NBEA: variants seen among roughly 807,000 people sequenced by gnomAD.
The protein encoded by NBEA is neurobeachin.
A neutral mutation model predicts 343.4 loss-of-function variants in NBEA; 44 were observed. The ratio of observed to expected loss-of-function variants is 0.13; its 90% CI spans 0.10 to 0.16. The LOEUF (loss-of-function observed/expected upper bound fraction) is 0.16, where lower values mean the gene tolerates loss of function less well. Ranked by LOEUF, NBEA falls within the 10% of genes least tolerant of loss-of-function variation. The pLI, the probability that NBEA is intolerant of heterozygous loss-of-function variation, is 1.00. For synonymous variants in NBEA, 1,175 were observed against 1,238.7 expected, an observed-to-expected ratio of 0.95 and a Z score of 1.08; for missense variants, 2,555 against 3,631.3, an observed-to-expected ratio of 0.70 and a Z score of 7.62.
intron 48 of NBEA, among the ~76,000 whole-genome samples, chr13:35,609,679 G>A (rs1434610867): frequency 1.3e-5 from 2 of 152,194 alleles, no homozygotes; most frequent in Admixed American, 1.3e-4. Context: ...GAAGCCATTG[G>A]AGAGAGAGTA....
intron 40 of NBEA, among the ~76,000 whole-genome samples, chr13:35,471,014 CG>C (rs2075619338): frequency 6.6e-6 from 1 of 152,178 alleles, no homozygotes; most frequent in African/African-American, 2.4e-5. Flanking sequence ...CCGCGAGCCC[CG>C]GGGGCTCATC....
rs2060828506 is a variant in NBEA at position 34,993,354 on chromosome 13, A to G, written c.295-47579A>G. Among the ~76,000 whole-genome samples the G allele has an allele frequency of 2.6e-5, 4 of 152,178 alleles. No individual in the cohort carries two copies. The South Asian group carries it at 8.3e-4, about 31-fold the overall frequency. ...CATTGTTGCAAATAGTTGTTTACTT[A>G]TGAATATCTGTTTAACCTTGCTACA... is the stretch of plus-strand genomic sequence containing the variant. On this transcript the variant is annotated intron_variant, in intron 1 of 58. Coordinates refer to ENST00000379939, the MANE Select transcript of NBEA (RefSeq NM_001385012.1).
At chr13:35,620,247 G>A (rs1325699478) in intron 48 of NBEA, among the ~76,000 whole-genome samples, 2 of 152,114 alleles carry the variant, frequency 1.3e-5, no homozygotes, top group Non-Finnish European at 2.9e-5. Flanking sequence ...CTTAGAAGGT[G>A]ACCGGTGGTA....
At chr13:35,535,691 T>C (rs117906154) in intron 41 of NBEA, among the ~76,000 whole-genome samples, 2,840 of 152,312 alleles carry the variant, frequency 0.019, 28 homozygotes, top group South Asian at 0.048. Flanking sequence ...TGTCCCATTT[T>C]ATATAAGGGA....
chr13:35,080,968 C>A (rs1474984641), intron 10 of NBEA, among the ~76,000 whole-genome samples: 1 of 152,042 alleles, frequency 6.6e-6, no homozygotes, highest in East Asian at 1.9e-4. Flanking sequence ...AATGTCAGAC[C>A]AAAGATGCTG....
intron 39 of NBEA, among the ~76,000 whole-genome samples, chr13:35,445,966 C>G (rs1239818997): frequency 5.3e-5 from 8 of 151,102 alleles, no homozygotes; most frequent in Non-Finnish European, 8.8e-5. Flanking sequence ...TCCCTCCCCC[C>G]TCTCCCCACC....
At chr13:35,125,504 A>G (rs2067075264) in intron 17 of NBEA, among the ~76,000 whole-genome samples, 1 of 152,198 alleles carries the variant, frequency 6.6e-6, no homozygotes, top group African/African-American at 2.4e-5. Flanking sequence ...ACAAAGAATT[A>G]CACAGATGAG....
chr13:35,370,812 G>T (rs2041387733), intron 38 of NBEA, among the ~76,000 whole-genome samples: 1 of 152,022 alleles, frequency 6.6e-6, no homozygotes, highest in African/African-American at 2.4e-5. Flanking sequence ...TGGTCTAGAG[G>T]TGATGAATTT....
chr13:34,955,872 A>T (rs1410080739), intron 1 of NBEA, among the ~76,000 whole-genome samples: 1 of 152,166 alleles, frequency 6.6e-6, no homozygotes, highest in Non-Finnish European at 1.5e-5. Flanking sequence ...ACAGTATACT[A>T]ATGCAAATGC....
At chr13:35,540,107 A>C (rs922341496) in intron 41 of NBEA, among the ~76,000 whole-genome samples, 1 of 152,016 alleles carries the variant, frequency 6.6e-6, no homozygotes, top group Non-Finnish European at 1.5e-5. Flanking sequence ...CTAAAATTTT[A>C]ATATGAAATA....
chr13:35,280,038 T>G (rs1487403842), intron 34 of NBEA, among the ~76,000 whole-genome samples: 1 of 152,190 alleles, frequency 6.6e-6, no homozygotes, highest in Non-Finnish European at 1.5e-5. Context: ...TTTATTTTAG[T>G]AGAGATTTTA....
intron 45 of NBEA, among the ~76,000 whole-genome samples, chr13:35,579,087 A>G (rs1039009690): frequency 2.6e-5 from 4 of 152,194 alleles, no homozygotes; most frequent in African/African-American, 4.8e-5. Flanking sequence ...TGCTCAACCT[A>G]TGTAACAGTA....
At chr13:35,336,642 G>T (rs1038218799) in intron 36 of NBEA, among the ~76,000 whole-genome samples, 2 of 152,006 alleles carry the variant, frequency 1.3e-5, no homozygotes, top group Non-Finnish European at 2.9e-5. Flanking sequence ...ATCAATGGTA[G>T]ACTGGGTTAA....
rs1265572361 is a variant in NBEA at position 35,628,210 on chromosome 13, G to A, written c.7579G>A (p.Val2527Met). The change falls in exon 49 of 59, where the codon GTG becomes ATG. Residue 2527 changes from valine to methionine, a missense_variant. By Grantham distance (21) the Val-to-Met change is conservative. This residue lies in a region of NBEA where 87 missense variants were observed against 75.0 expected (regional missense o/e 1.16). Transcript: ENST00000379939. Reference protein sequence around the residue: ...VFHYLTYEGSVNLDSITDPVL... With the variant: ...VFHYLTYEGSMNLDSITDPVL... ...TCACTACTTGACTTATGAAGGCTCT[G>A]TGAACCTGGATAGTATCACTGATCC... 1 of 1,612,858 alleles carries A rather than the reference G, an allele frequency of 6.2e-7. No homozygotes were observed. Among genetic ancestry groups the A allele is most frequent in the Non-Finnish European group, 8.5e-7 (1 of 1,179,338 alleles).
At chr13:35,062,395 C>T (rs1357826942) in intron 8 of NBEA, among the ~76,000 whole-genome samples, 1 of 151,466 alleles carries the variant, frequency 6.6e-6, no homozygotes, top group Non-Finnish European at 1.5e-5. Flanking sequence ...GTCTAATAGG[C>T]ACAGTATAAG....
At chr13:35,423,762 T>G (rs1283656475) in intron 38 of NBEA, among the ~76,000 whole-genome samples, 1 of 152,152 alleles carries the variant, frequency 6.6e-6, no homozygotes, top group Non-Finnish European at 1.5e-5. Flanking sequence ...TTTCACGATA[T>G]TGGTTCTTCC....
chr13:35,210,277 A>AGTGT (rs560748566), intron 32 of NBEA, among the ~76,000 whole-genome samples: 3 of 149,930 alleles, frequency 2.0e-5, no homozygotes, highest in East Asian at 3.9e-4. Flanking sequence ...ACTTCTTAAA[A>AGTGT]GTGTGTGTGT....
At chr13:35,312,614 A>C (rs1028926459) in intron 36 of NBEA, among the ~76,000 whole-genome samples, 1 of 152,176 alleles carries the variant, frequency 6.6e-6, no homozygotes, top group African/African-American at 2.4e-5. Flanking sequence ...ACTTGAAGCA[A>C]TACCAATCTG....
chr13:35,668,332 G>T, intron 57 of NBEA, 36 bp from the exon 58 acceptor site: 1 of 1,501,124 alleles, frequency 6.7e-7, no homozygotes, highest in Non-Finnish European at 9.0e-7. Flanking sequence ...ATTTTATTTT[G>T]TTTTTTTTTG....
Sources: allele counts gnomAD v4.1 joint callset (sites outside exome capture counted in the v4.1 genomes callset), GRCh38; gene constraint gnomAD v4.1.1; regional missense constraint gnomAD v4.1.1; transcripts MANE v1.5; gene names NCBI Gene and HGNC (gene_info 2026-07-23, HGNC 2026-07-21).